Variants in CAST observed in about 807,000 individuals in gnomAD.
CAST encodes the protein calpastatin.
A neutral mutation model predicts 119.6 loss-of-function variants in CAST; 76 were observed. That is an observed-to-expected ratio of 0.64 (90% CI 0.53 to 0.77). The LOEUF (loss-of-function observed/expected upper bound fraction) is 0.77, where lower values mean the gene tolerates loss of function less well. CAST is among the 30% of genes least tolerant of loss of function. The pLI, the probability that CAST is intolerant of heterozygous loss-of-function variation, is 0.00. For synonymous variants in CAST, 319 were observed against 331.6 expected, an observed-to-expected ratio of 0.96 and a Z score of 0.41; for missense variants, 953 against 946.5, an observed-to-expected ratio of 1.01 and a Z score of -0.09.
At chr5:96,645,797 T>C (rs1748007615) in intron 1 of CAST, among the ~76,000 whole-genome samples, 1 of 151,638 alleles carries the variant, frequency 6.6e-6, no homozygotes, top group South Asian at 2.1e-4. Flanking sequence ...AAGACCTCTC[T>C]AAAGGTCTAG....
intron 1 of CAST, among the ~76,000 whole-genome samples, chr5:96,533,038 T>A (rs201759641): frequency 3.1e-4 from 38 of 124,570 alleles, no homozygotes; most frequent in African/African-American, 8.9e-4. Context: ...AAAAAAAAAA[T>A]AAAAATAAAA....
chr5:96,726,598 T>G (rs919926904), intron 4 of CAST, among the ~76,000 whole-genome samples, 196 bp from the exon 5 acceptor site: 1 of 152,188 alleles, frequency 6.6e-6, no homozygotes, highest in African/African-American at 2.4e-5. Context: ...TGAAAAAATG[T>G]AAACACAAAC....
At chr5:96,456,345 T>G in the CAST span, among the ~76,000 whole-genome samples, 1 of 152,214 alleles carries the variant, frequency 6.6e-6, no homozygotes, top group Non-Finnish European at 1.5e-5. Flanking sequence ...ATCTGAGCTT[T>G]CACATTGTGA....
chr5:96,599,170 C>T (rs1580840429), intron 1 of CAST, among the ~76,000 whole-genome samples: 2 of 152,134 alleles, frequency 1.3e-5, no homozygotes, highest in South Asian at 4.2e-4. Context: ...GCTATGTTTA[C>T]AAAATATTTT....
At chr5:96,333,241 A>C in the CAST span, among the ~76,000 whole-genome samples, 199 of 151,892 alleles carry the variant, frequency 1.3e-3, no homozygotes, top group Middle Eastern at 6.8e-3. Flanking sequence ...CCCGAGTTAG[A>C]GTGACCTGTA....
the CAST span, among the ~76,000 whole-genome samples, chr5:96,308,327 A>C: frequency 2.0e-5 from 3 of 151,476 alleles, no homozygotes; most frequent in Non-Finnish European, 4.4e-5. Context: ...TCTTCTCTAC[A>C]CTGGTTATTC....
the CAST span, among the ~76,000 whole-genome samples, chr5:96,292,720 T>C: frequency 2.0e-5 from 3 of 152,222 alleles, no homozygotes; most frequent in Admixed American, 2.0e-4. Flanking sequence ...TACAAAGTTC[T>C]ATCAGATAAT....
chr5:96,473,304 G>A, the CAST span, among the ~76,000 whole-genome samples: 3 of 152,160 alleles, frequency 2.0e-5, no homozygotes, highest in African/African-American at 7.2e-5. Context: ...GTTTTCACAG[G>A]GGAAGTAAAA....
chr5:96,763,150 T>C (rs1047301894), intron 25 of CAST: 1 of 780,476 alleles, frequency 1.3e-6, no homozygotes, highest in African/African-American at 1.7e-5. Flanking sequence ...TTCCGTTTGA[T>C]GTAGCATCAA....
the CAST span, among the ~76,000 whole-genome samples, chr5:96,375,347 G>T: frequency 6.6e-6 from 1 of 152,062 alleles, no homozygotes; most frequent in East Asian, 1.9e-4. Context: ...ATTTACAAGA[G>T]ATTGTTAAAT....
At chr5:96,067,984 C>T in the CAST span, among the ~76,000 whole-genome samples, 1 of 152,076 alleles carries the variant, frequency 6.6e-6, no homozygotes, top group South Asian at 2.1e-4. Context: ...CAGCAGCTGA[C>T]AGGCCACTCT....
At chr5:96,241,617 T>C in the CAST span, among the ~76,000 whole-genome samples, 3 of 144,250 alleles carry the variant, frequency 2.1e-5, no homozygotes, top group Non-Finnish European at 4.6e-5. Context: ...TTTCTAGTTC[T>C]AGATCCCTGA....
chr5:96,001,713 T>C, the CAST span, among the ~76,000 whole-genome samples: 1 of 152,254 alleles, frequency 6.6e-6, no homozygotes, highest in Admixed American at 6.5e-5. Flanking sequence ...TGTTTTTATA[T>C]TAATAGAACA....
chr5:96,047,772 T>A, the CAST span, among the ~76,000 whole-genome samples: 8 of 151,854 alleles, frequency 5.3e-5, no homozygotes, highest in Non-Finnish European at 1.0e-4. Flanking sequence ...TGGACATCAG[T>A]AAAATAATCA....
chr5:96,340,228 G>T, the CAST span, among the ~76,000 whole-genome samples: 1 of 152,152 alleles, frequency 6.6e-6, no homozygotes, highest in African/African-American at 2.4e-5. Context: ...CCAGGATCTG[G>T]AACATTTTCT....
chr5:96,108,695 C>G, the CAST span, among the ~76,000 whole-genome samples: 1 of 152,228 alleles, frequency 6.6e-6, no homozygotes, highest in South Asian at 2.1e-4. Context: ...GTGCCCTGCC[C>G]CCAGAGGTGG....
At chr5:96,023,501 G>A in the CAST span, among the ~76,000 whole-genome samples, 1 of 152,306 alleles carries the variant, frequency 6.6e-6, no homozygotes, top group South Asian at 2.1e-4. Context: ...CAGACAGGCT[G>A]AAGTTTAGTG....
At chr5:96,143,883 A>C in the CAST span, among the ~76,000 whole-genome samples, 1 of 152,150 alleles carries the variant, frequency 6.6e-6, no homozygotes, top group Non-Finnish European at 1.5e-5. Flanking sequence ...GTTATTTTTA[A>C]ATTTTTATTT....
At chr5:96,701,052 C>T (rs563560815) in intron 3 of CAST, among the ~76,000 whole-genome samples, 6 of 152,032 alleles carry the variant, frequency 3.9e-5, no homozygotes, top group South Asian at 2.1e-4. Flanking sequence ...TGAAGCCTCC[C>T]GAGTAGCTGG....
Sources: gnomAD v4.1 joint callset for allele counts (sites outside exome capture counted in the v4.1 genomes callset) on GRCh38, gnomAD v4.1.1 for gene constraint, MANE v1.5 for transcripts, NCBI Gene and HGNC (gene_info 2026-07-23, HGNC 2026-07-21) for gene names.